UVSSA: variants seen among roughly 807,000 people sequenced by gnomAD.
UVSSA encodes UV stimulated scaffold protein A, also known as UV-stimulated scaffold protein A.
A neutral mutation model predicts 73.9 loss-of-function variants in UVSSA; 72 were observed. The observed-to-expected ratio is 0.97, with a 90% CI of 0.81 to 1.19. UVSSA has a LOEUF of 1.19. Among genes scored for constraint, UVSSA ranks in the 50% most tolerant of loss-of-function variants. The probability of loss-of-function intolerance (pLI) is 0.00; values close to 1 mark genes in which losing one functional copy is unlikely to be tolerated. For synonymous variants in UVSSA, 454 were observed against 391.3 expected (o/e 1.16, Z -1.89); for missense variants, 1,150 against 965.0 (o/e 1.19, Z -2.54).
chr4:1,358,410 A>G (rs1426616146), intron 7 of UVSSA: 1 of 152,304 alleles, frequency 6.6e-6, no homozygotes, highest in Non-Finnish European at 1.5e-5. Flanking sequence ...CACGCTGCCC[A>G]TTTGTCAGTT....
chr4:1,375,747 C>T (rs566210778), intron 9 of UVSSA, among the ~76,000 whole-genome samples: 82 of 152,338 alleles, frequency 5.4e-4, no homozygotes, highest in African/African-American at 1.8e-3. Context: ...AGACACTGCC[C>T]GTGCCTCTGA....
Position 1,347,729 on chromosome 4 carries a change from A to G in UVSSA, c.-34A>G. ...TTTCTTGGCTCCTCTTGGCCTCTGC[A>G]GCCTTGCTGGAGGCTGCCCTGCGGA... On this transcript the variant is annotated 5_prime_UTR_variant, in exon 1 of 14. Coordinates refer to ENST00000389851, the MANE Select transcript of UVSSA (RefSeq NM_020894.4). The G allele has an allele frequency of 4.8e-6, 1 of 206,462 alleles. No individual in the cohort carries two copies. The highest frequency in any genetic ancestry group is 1.0e-5 in the Non-Finnish European group (1 of 100,168). 12.8% of individuals were successfully genotyped at this position (206,462 alleles called of 1,614,324 possible).
At chr4:1,350,593 C>T (rs745614994) in intron 3 of UVSSA, among the ~76,000 whole-genome samples, 2 of 152,158 alleles carry the variant, frequency 1.3e-5, no homozygotes, top group Non-Finnish European at 2.9e-5. Flanking sequence ...CTGGCTTTCC[C>T]GGGCTCAGAC....
Position 1,348,150 on chromosome 4 carries a change from T to C in UVSSA, c.59T>C (p.Leu20Pro). The change falls in exon 2 of 14, where the codon CTA becomes CCA. Residue 20 changes from leucine (L) to proline (P), a missense_variant. Leu to Pro is a moderately conservative substitution (Grantham distance 98, BLOSUM62 -3). Transcript: ENST00000389851. ...EELTTSGEPR[L>P]NPEKMKELKK... ...CTCACAACTTCAGGAGAACCCCGAC[T>C]AAATCCTGAGAAAATGAAGGAACTG... 1.9e-6 allele frequency: 3 copies of C among 1,613,936 alleles called. No individual in the cohort carries two copies. The highest frequency in any genetic ancestry group is 1.7e-5 in the Admixed American group (1 of 60,032).
chr4:1,352,186 C>T (rs1714875502), intron 4 of UVSSA, among the ~76,000 whole-genome samples: 1 of 152,240 alleles, frequency 6.6e-6, no homozygotes, highest in South Asian at 2.1e-4. Context: ...TTGCCAGCCC[C>T]TTCCCCAAAA....
At chr4:1,365,995 G>A (rs996591594) in intron 7 of UVSSA, 8 of 193,448 alleles carry the variant, frequency 4.1e-5, no homozygotes, top group African/African-American at 1.4e-4. Flanking sequence ...GGGCACCGCC[G>A]CCCTCGCACC....
At chr4:1,356,002 G>A (rs1715682762) in intron 7 of UVSSA, among the ~76,000 whole-genome samples, 1 of 152,096 alleles carries the variant, frequency 6.6e-6, no homozygotes, top group African/African-American at 2.4e-5. Flanking sequence ...AGACGTCCTC[G>A]GCAGCACCCA....
In UVSSA at chr4:1,347,547, C is replaced by G. The variant is rs1713889257; in HGVS notation, c.-216C>G. ...GCCTCCGCCCCGGCCTCGCCTGGCG[C>G]TTCCTTCCGGGTCCTTCGGCCTTTC... On this transcript the variant is annotated 5_prime_UTR_variant, in exon 1 of 14. Transcript: ENST00000389851. 1 of 152,528 alleles carries G rather than the reference C, an allele frequency of 6.6e-6. No homozygotes were observed. The highest frequency in any genetic ancestry group is 6.5e-5 in the Admixed American group (1 of 15,296). The allele number at this position is 152,528 out of a possible 1,614,324, so 9.4% of individuals were successfully genotyped here.
At chr4:1,379,834 G>T (rs113834720) in intron 10 of UVSSA, among the ~76,000 whole-genome samples, 2 of 29,164 alleles carry the variant, frequency 6.9e-5, no homozygotes, top group Non-Finnish European at 1.2e-4. Flanking sequence ...GAATTCAGAC[G>T]CAGGCGGTCG....
At chr4:1,370,508 G>A (rs887975783) in intron 8 of UVSSA, among the ~76,000 whole-genome samples, 3 of 152,260 alleles carry the variant, frequency 2.0e-5, no homozygotes, top group African/African-American at 7.2e-5. Flanking sequence ...CCCAGGAAAC[G>A]GGAGCAGCCT....
chr4:1,365,770 G>A (rs1261002651), intron 7 of UVSSA, among the ~76,000 whole-genome samples: 1 of 152,166 alleles, frequency 6.6e-6, no homozygotes, highest in Admixed American at 6.5e-5. Context: ...AAGAGCAGAC[G>A]CACCTGCTCC....
intron 12 of UVSSA, among the ~76,000 whole-genome samples, chr4:1,381,276 G>A (rs1719467078): frequency 6.6e-6 from 1 of 152,360 alleles, no homozygotes; most frequent in African/African-American, 2.4e-5. Context: ...CATCTGTGTG[G>A]CTGGGTCCTG....
At chr4:1,355,997 T>TC (rs1715681343) in intron 7 of UVSSA, among the ~76,000 whole-genome samples, 1 of 151,938 alleles carries the variant, frequency 6.6e-6, no homozygotes, top group African/African-American at 2.4e-5. Flanking sequence ...TCTGCAGACG[T>TC]CCTCGGCAGC....
intron 2 of UVSSA, among the ~76,000 whole-genome samples, chr4:1,348,487 G>A (rs1714088227): frequency 6.6e-6 from 1 of 152,260 alleles, no homozygotes; most frequent in East Asian, 1.9e-4. Flanking sequence ...AGAGAAACGT[G>A]CATCTTTTTC....
intron 2 of UVSSA, 103 bp from the exon 3 acceptor site, chr4:1,349,421 G>T (rs1714308715): frequency 1.8e-6 from 2 of 1,113,284 alleles, no homozygotes; most frequent in South Asian, 1.5e-5. Context: ...GAAGGCAGTG[G>T]TGGTCCCTGC....
intron 12 of UVSSA, among the ~76,000 whole-genome samples, chr4:1,383,141 G>GGCCTCAA (rs1177087672): frequency 6.6e-6 from 1 of 152,140 alleles, no homozygotes; most frequent in East Asian, 1.9e-4. Context: ...ACTGCCACAG[G>GGCCTCAA]GCCTCAAGCA....
intron 7 of UVSSA, chr4:1,359,049 T>G (rs1716227945): frequency 6.6e-6 from 1 of 152,256 alleles, no homozygotes; most frequent in South Asian, 2.1e-4. Context: ...ACCGTGTCTT[T>G]CCTTTTTAAC....
At chr4:1,370,217 T>C (rs1325317295) in intron 8 of UVSSA, among the ~76,000 whole-genome samples, 1 of 152,254 alleles carries the variant, frequency 6.6e-6, no homozygotes, top group African/African-American at 2.4e-5. Context: ...AATGTCACAT[T>C]GTTCACTTGT....
intron 3 of UVSSA, among the ~76,000 whole-genome samples, chr4:1,350,766 T>TAAA (rs34918099): frequency 2.9e-5 from 4 of 139,396 alleles, no homozygotes; most frequent in Non-Finnish European, 3.2e-5. Context: ...CGTTGTCTCT[T>TAAA]AAAAAAAAAA....
Sources: allele counts gnomAD v4.1 joint callset (sites outside exome capture counted in the v4.1 genomes callset), GRCh38; gene constraint gnomAD v4.1.1; transcripts MANE v1.5; gene names NCBI Gene and HGNC (gene_info 2026-07-23, HGNC 2026-07-21).